The following MYO3B variants were observed in gnomAD, a reference collection of about 807,000 sequenced individuals.
The protein encoded by MYO3B is myosin-IIIb.
A neutral mutation model predicts 174.6 loss-of-function variants in MYO3B; 156 were observed. That is an observed-to-expected ratio of 0.89 (90% confidence interval 0.78 to 1.02). The LOEUF (loss-of-function observed/expected upper bound fraction) is 1.02, where lower values mean the gene tolerates loss of function less well. Ranked by LOEUF, MYO3B falls within the 50% of genes least tolerant of loss-of-function variation. The pLI is 0.00. For synonymous variants in MYO3B, 563 were observed against 569.1 expected (o/e 0.99, Z 0.15); for missense variants, 1,632 against 1,639.4 (o/e 1.00, Z 0.08).
chr2:170,574,381 A>G (rs769092915), intron 32 of MYO3B, among the ~76,000 whole-genome samples: 1 of 152,190 alleles, frequency 6.6e-6, no homozygotes, highest in Non-Finnish European at 1.5e-5. Flanking sequence ...TTTGCAATGC[A>G]GATATTTTCC....
chr2:170,463,326 T>C, intron 23 of MYO3B, 42 bp from the exon 24 acceptor site: 1 of 1,575,042 alleles, frequency 6.3e-7, no homozygotes, highest in Non-Finnish European at 8.7e-7. Flanking sequence ...ATGAGGTAAG[T>C]GCCTAGATCC....
chr2:170,501,979 G>T, intron 28 of MYO3B, 114 bp downstream of exon 28: 5 of 689,150 alleles, frequency 7.3e-6, no homozygotes, highest in Non-Finnish European at 5.0e-6. Context: ...TGAGTCAAGA[G>T]TTCTGGGAGA....
intron 32 of MYO3B, among the ~76,000 whole-genome samples, chr2:170,633,465 A>G (rs866402775): frequency 1.2e-4 from 18 of 152,232 alleles, no homozygotes; most frequent in Middle Eastern, 3.4e-3. Context: ...TTCAAGGAAC[A>G]TATCTCAAAA....
intron 28 of MYO3B, among the ~76,000 whole-genome samples, chr2:170,503,903 A>T (rs1239428385): frequency 6.6e-6 from 1 of 152,206 alleles, no homozygotes; most frequent in South Asian, 2.1e-4. Flanking sequence ...TTGGTGGTAA[A>T]GATGCATGAA....
chr2:170,467,339 G>A (rs960385320), intron 25 of MYO3B, among the ~76,000 whole-genome samples: 7 of 152,284 alleles, frequency 4.6e-5, no homozygotes, highest in African/African-American at 1.4e-4. Context: ...CAGCATGCAT[G>A]CTTTTAATCT....
At chr2:170,639,897 G>A (rs553396609) in intron 32 of MYO3B, among the ~76,000 whole-genome samples, 2 of 152,240 alleles carry the variant, frequency 1.3e-5, no homozygotes, top group South Asian at 4.1e-4. Context: ...GGGAAATAAG[G>A]AGCCCTTATG....
At chr2:170,221,799 T>C (rs2092903946) in intron 6 of MYO3B, among the ~76,000 whole-genome samples, 1 of 152,172 alleles carries the variant, frequency 6.6e-6, no homozygotes, top group African/African-American at 2.4e-5. Flanking sequence ...ACTCCTAAGC[T>C]CAAGCATTCC....
At position 170,653,023 on chromosome 2, in the gene MYO3B, T is replaced by C; in HGVS notation, c.3928T>C (p.Ser1310Pro). The C allele has an allele frequency of 6.2e-7, 1 of 1,614,160 alleles. No homozygotes were observed. The highest frequency in any genetic ancestry group is 8.5e-7 in the Non-Finnish European group (1 of 1,179,994). ...VLDGEDEYYK[S>P]LSPVDCIPEE... is the part of the protein sequence containing the mutation. The stretch of plus-strand genomic sequence containing the variant: ...TGATGGGGAAGATGAATATTACAAA[T>C]CTCTGTCACCAGTGGACTGTATCCC... The change falls in exon 35 of 35, where the codon TCT becomes CCT. Residue 1310 changes from serine (S) to proline (P), a missense_variant. Physicochemically the swap from Ser to Pro is moderately conservative, Grantham distance 74. Coordinates refer to ENST00000408978, the MANE Select transcript of MYO3B (RefSeq NM_138995.5).
At chr2:170,510,947 T>C (rs1687940221) in intron 28 of MYO3B, among the ~76,000 whole-genome samples, 1 of 152,226 alleles carries the variant, frequency 6.6e-6, no homozygotes, top group African/African-American at 2.4e-5. Context: ...AGAATTTCAG[T>C]GTATAGATGT....
intron 32 of MYO3B, among the ~76,000 whole-genome samples, chr2:170,593,162 A>G (rs921742711): frequency 2.0e-5 from 3 of 152,098 alleles, no homozygotes; most frequent in African/African-American, 7.2e-5. Flanking sequence ...TAGTGGCATG[A>G]TCATAGATCA....
chr2:170,488,119 G>A (rs544575966), intron 25 of MYO3B, among the ~76,000 whole-genome samples: 1 of 152,148 alleles, frequency 6.6e-6, no homozygotes, highest in Non-Finnish European at 1.5e-5. Context: ...GAGTGTCATA[G>A]TTAGAGAGCA....
intron 32 of MYO3B, among the ~76,000 whole-genome samples, chr2:170,569,163 A>T (rs1193248149): frequency 6.6e-6 from 1 of 152,138 alleles, no homozygotes; most frequent in East Asian, 1.9e-4. Context: ...ATTACCAAGG[A>T]CCTCAATACT....
intron 22 of MYO3B, among the ~76,000 whole-genome samples, chr2:170,431,986 T>G (rs1186451324): frequency 1.3e-5 from 2 of 152,248 alleles, no homozygotes; most frequent in Non-Finnish European, 2.9e-5. Flanking sequence ...TTTGTGGTGA[T>G]GCTGATATAA....
intron 7 of MYO3B, among the ~76,000 whole-genome samples, chr2:170,246,184 C>T (rs1026722768): frequency 6.6e-6 from 1 of 152,122 alleles, no homozygotes; most frequent in Non-Finnish European, 1.5e-5. Context: ...TTTAAAACTA[C>T]AGAGTCTCCC....
chr2:170,469,167 G>A (rs1434427012), intron 25 of MYO3B, among the ~76,000 whole-genome samples: 1 of 152,138 alleles, frequency 6.6e-6, no homozygotes, highest in Non-Finnish European at 1.5e-5. Context: ...GAGTCTAATT[G>A]TTTGTTTATG....
intron 25 of MYO3B, among the ~76,000 whole-genome samples, chr2:170,473,222 A>G (rs1485872308): frequency 7.2e-6 from 1 of 138,394 alleles, no homozygotes; most frequent in Non-Finnish European, 1.5e-5. Flanking sequence ...GGCTTACTGC[A>G]AGCTTCGCCT....
At chr2:170,211,734 C>T (rs891444833) in intron 3 of MYO3B, among the ~76,000 whole-genome samples, 1 of 152,092 alleles carries the variant, frequency 6.6e-6, no homozygotes, top group African/African-American at 2.4e-5. Context: ...AAAAGCATTG[C>T]CACATGGTTA....
intron 32 of MYO3B, among the ~76,000 whole-genome samples, chr2:170,547,287 G>A (rs1233165911): frequency 6.6e-6 from 1 of 150,672 alleles, no homozygotes; most frequent in Admixed American, 6.6e-5. Flanking sequence ...CCGAGATCGC[G>A]CCACTGTACT....
intron 1 of MYO3B, among the ~76,000 whole-genome samples, chr2:170,183,034 T>C (rs538793710): frequency 1.3e-5 from 2 of 152,032 alleles, no homozygotes; most frequent in Non-Finnish European, 2.9e-5. Flanking sequence ...GGCGGGTGGA[T>C]TGCCTGAGCT....
Sources: allele counts gnomAD v4.1 joint callset (sites outside exome capture counted in the v4.1 genomes callset), GRCh38; gene constraint gnomAD v4.1.1; transcripts MANE v1.5; gene names NCBI Gene and HGNC (gene_info 2026-07-23, HGNC 2026-07-21).